DOCK6: variants seen among roughly 807,000 people sequenced by gnomAD.
DOCK6 encodes the protein dedicator of cytokinesis 6, also known as dedicator of cytokinesis protein 6.
DOCK6 carries 167 observed loss-of-function variants against 230.3 expected under a neutral mutation model. That is an observed-to-expected ratio of 0.73 (90% CI 0.64 to 0.82). DOCK6 has a LOEUF of 0.82. DOCK6 is among the 40% of genes least tolerant of loss of function. The pLI, the probability that DOCK6 is intolerant of heterozygous loss-of-function variation, is 0.00. For synonymous variants in DOCK6, 1,148 were observed against 1,185.0 expected (o/e 0.97, Z 0.64); for missense variants, 2,598 against 2,825.8 (o/e 0.92, Z 1.83).
Position 11,208,563 on chromosome 19 carries a change from GCCA to G in DOCK6, c.5088+120_5088+122del, listed in dbSNP as rs147251964. 6,182 of 1,386,332 alleles carry G rather than the reference GCCA, an allele frequency of 4.5e-3. 291 individuals are homozygous for G. The East Asian group carries it at 0.12, about 26-fold the overall frequency. The allele number at this position is 1,386,332 out of a possible 1,614,324, so 85.9% of individuals were successfully genotyped here. A position where few individuals can be genotyped will look rare whatever the true frequency, so the allele number is the denominator to read the frequency against. ...CAAAGTGCTGGGGTTACAGGCGTGA[GCCA>G]CCGCGCCCAGCCTATTCTCCTTCTT... On this transcript the variant is annotated intron_variant, in intron 39 of 47. Coordinates refer to ENST00000294618, the MANE Select transcript of DOCK6 (RefSeq NM_020812.4).
At chr19:11,206,575 AAG>A (rs2079264451) in intron 39 of DOCK6, among the ~76,000 whole-genome samples, 1 of 151,816 alleles carries the variant, frequency 6.6e-6, no homozygotes, top group Non-Finnish European at 1.5e-5. Flanking sequence ...AAAAAAAAGA[AAG>A]AAAGAAAAAA....
Position 11,243,691 on chromosome 19 carries a change from T to C in DOCK6, c.1124A>G (p.Lys375Arg). The C allele has an allele frequency of 6.2e-7, 1 of 1,613,716 alleles. No individual in the cohort carries two copies. The stretch of plus-strand genomic sequence containing the variant: ...GAACTGCTCGGCCGCCAGGCGCAGC[T>C]TCTCTAGCTTCTCTTTGTTCTGTGG... ...DTAKNKEKLEKLRLAAEQFCT... is the reference protein window; with the variant it reads ...DTAKNKEKLERLRLAAEQFCT... Residue 375 changes from lysine (K) to arginine (R), a missense_variant, in exon 11 of 48, where the codon AAG (lysine) becomes AGG (arginine). Lys to Arg is a conservative substitution (Grantham distance 26). Coordinates refer to ENST00000294618, the MANE Select transcript of DOCK6 (RefSeq NM_020812.4). This position sits in a 1 kb window ranked among gnomAD's most constrained non-coding sequence, Gnocchi z 6.3.
Position 11,202,261 on chromosome 19 carries a change from G to C in DOCK6, c.5451+133C>G. 1 of 1,386,910 alleles carries C rather than the reference G, an allele frequency of 7.2e-7. No homozygotes were observed. The highest frequency in any genetic ancestry group is 9.9e-7 in the Non-Finnish European group (1 of 1,005,062). The allele number at this position is 1,386,910 out of a possible 1,614,324, so 85.9% of individuals were successfully genotyped here. A position where few individuals can be genotyped will look rare whatever the true frequency, so the allele number is the denominator to read the frequency against. On this transcript the variant is annotated intron_variant, in intron 43 of 47. Transcript: ENST00000294618. This position sits in a 1 kb window ranked among gnomAD's most constrained non-coding sequence, Gnocchi z 5.3. The stretch of plus-strand genomic sequence containing the variant: ...TCTGGATGTTTGGGAATCCCCTGAG[G>C]AATAGGTTTTGGGGTCCCTCAGTGA...
Position 11,210,355 on chromosome 19 carries a change from C to T in DOCK6, c.4752-1252G>A, listed in dbSNP as rs1202868094. On this transcript the variant is annotated intron_variant, in intron 37 of 47. Coordinates refer to ENST00000294618, the MANE Select transcript of DOCK6 (RefSeq NM_020812.4). Reference sequence around the variant, plus strand: ...CCCTTCACCTGTCTCCTTATCTGTCCACCTCCTCACTTGTTCATCTTCTCA... The same window carrying T: ...CCCTTCACCTGTCTCCTTATCTGTCTACCTCCTCACTTGTTCATCTTCTCA... Among the ~76,000 whole-genome samples the T allele has an allele frequency of 6.0e-5, 9 of 150,122 alleles. No homozygotes were observed. The Admixed American group carries it at 6.0e-4, about 10-fold the overall frequency.
At chr19:11,241,657 C>T in intron 14 of DOCK6, 1 of 1,577,756 alleles carries the variant, frequency 6.3e-7, no homozygotes, top group Non-Finnish European at 8.6e-7. Flanking sequence ...TCTCCCTCCC[C>T]AGACTCCACA....
In DOCK6 at chr19:11,217,010, C is replaced by G. The variant is rs756208600; in HGVS notation, c.3798G>C (p.Pro1266=). The change falls in exon 30 of 48, where the codon CCG becomes CCC. Residue 1266 remains proline (P), a synonymous_variant. Transcript: ENST00000294618. The part of the protein sequence containing the change: ...CVLWVLKNTE[P]ALLQRWATDL... ...CAGTGGCCCAGCGCTGCAGGAGCGC[C>G]GGCTCGGTGTTTTTCAGCACCCACA... is the stretch of plus-strand genomic sequence containing the variant. 1 of 1,613,640 alleles carries G rather than the reference C, an allele frequency of 6.2e-7. No homozygotes were observed. Among genetic ancestry groups the G allele is most frequent in the East Asian group, 2.2e-5 (1 of 44,878 alleles).
chr19:11,261,847 C>CT (rs1041270363), intron 1 of DOCK6, among the ~76,000 whole-genome samples: 1 of 149,312 alleles, frequency 6.7e-6, no homozygotes, highest in African/African-American at 2.6e-5. Flanking sequence ...CCCCTTCCCC[C>CT]CCCCCGACAG....
rs2079873494 is a variant in DOCK6 at position 11,237,725 on chromosome 19, C to G, written c.1887G>C (p.Glu629Asp). 1 of 1,583,272 alleles carries G rather than the reference C, an allele frequency of 6.3e-7. No homozygotes were observed. The highest frequency in any genetic ancestry group is 1.3e-5 in the African/African-American group (1 of 74,506). Reference sequence around the variant, plus strand: ...AGAAGGTGAACAGCAGGTGATGGTTCTCTGTCACGCAGGCTGGAAGATGCA... The same window carrying G: ...AGAAGGTGAACAGCAGGTGATGGTTGTCTGTCACGCAGGCTGGAAGATGCA... ...FKLHLPACVT[E>D]NHHLLFTFYH... is the part of the protein sequence containing the mutation. The change falls in exon 17 of 48, where the codon GAG becomes GAC. Residue 629 changes from glutamate to aspartate, a missense_variant. Physicochemically the swap from Glu to Asp is conservative, Grantham distance 45. Coordinates refer to ENST00000294618, the MANE Select transcript of DOCK6 (RefSeq NM_020812.4).
intron 22 of DOCK6, among the ~76,000 whole-genome samples, chr19:11,232,499 C>T (rs1346628303): frequency 6.6e-6 from 1 of 152,128 alleles, no homozygotes; most frequent in Non-Finnish European, 1.5e-5. Context: ...TGCATACACA[C>T]CCCTGTAAGT....
chr19:11,259,653 G>A (rs1212785538), intron 1 of DOCK6, among the ~76,000 whole-genome samples: 1 of 143,130 alleles, frequency 7.0e-6, no homozygotes, highest in Non-Finnish European at 1.5e-5. Flanking sequence ...TACCTCCCAG[G>A]TTCAAGCAAT....
Position 11,214,125 on chromosome 19 carries a change from A to G in DOCK6, c.4338+150T>C, listed in dbSNP as rs527696011. 5.1e-4 allele frequency: 569 copies of G among 1,125,172 alleles called. 14 individuals are homozygous for G. In the South Asian group the frequency reaches 9.1e-3, roughly 18 times the overall value. The allele number at this position is 1,125,172 out of a possible 1,614,324, so 69.7% of individuals were successfully genotyped here. The stretch of plus-strand genomic sequence containing the variant: ...TTTTTGTAGAGACAGGGGCCTCACT[A>G]TGTTGCCCAGGTTGGTCTCAAACTC... On this transcript the variant is annotated intron_variant, in intron 34 of 47. Transcript: ENST00000294618.
At chr19:11,260,892 A>AAAAAAAAAAGAAAAAAAAAAG (rs1423289379) in intron 1 of DOCK6, among the ~76,000 whole-genome samples, 5 of 148,550 alleles carry the variant, frequency 3.4e-5, no homozygotes, top group African/African-American at 7.6e-5. Context: ...CAAAAAAAAA[A>AAAAAAAAAAGAAAAAAAAAAG]AAAGAAAGAA....
intron 5 of DOCK6, chr19:11,251,885 T>C (rs1599286488): frequency 1.7e-6 from 1 of 578,218 alleles, no homozygotes; most frequent in Non-Finnish European, 3.0e-6. Flanking sequence ...CTGGGTGTAA[T>C]GGCTGCCCTG....
At chr19:11,251,613 G>A (rs760351307) in intron 5 of DOCK6, 41 of 154,198 alleles carry the variant, frequency 2.7e-4, no homozygotes, top group Middle Eastern at 3.4e-3. Flanking sequence ...CCAGCTACCC[G>A]GGAGGCTGAG....
chr19:11,239,544 GT>G (rs2079906491), intron 14 of DOCK6: 1 of 1,473,838 alleles, frequency 6.8e-7, no homozygotes, highest in Non-Finnish European at 9.3e-7. Flanking sequence ...GGGGCACCAG[GT>G]CGGCCAGTTA....
Position 11,222,156 on chromosome 19 carries a change from C to T in DOCK6, c.3333G>A (p.Gly1111=), listed in dbSNP as rs1377198248. The change falls in exon 27 of 48, where the codon GGG becomes GGA. Residue 1111 remains glycine (G), a synonymous_variant. Transcript: ENST00000294618. This position sits in a 1 kb window ranked among gnomAD's most constrained non-coding sequence, Gnocchi z 4.0. Reference sequence around the variant, plus strand: ...CCAGTGCCAGCTCCGTCAGCAGGAGCCCAGCTAGGAAGTGCTGCTGCCGGA... The same window carrying T: ...CCAGTGCCAGCTCCGTCAGCAGGAGTCCAGCTAGGAAGTGCTGCTGCCGGA... ...GPFRQQHFLA[G]LLLTELALAL... 6.2e-7 allele frequency: 1 copy of T among 1,612,340 alleles called. No homozygotes were observed. Among genetic ancestry groups the T allele is most frequent in the Admixed American group, 1.7e-5 (1 of 59,726 alleles).
rs1217012816 is a variant in DOCK6, at chr19:11,243,368, T to G, written c.1276A>C (p.Thr426Pro). 6.2e-7 allele frequency: 1 copy of G among 1,601,840 alleles called. No homozygotes were observed. Among genetic ancestry groups the G allele is most frequent in the African/African-American group, 1.3e-5 (1 of 74,728 alleles). ...DSEGERRPAW[T>P]DRRRRGPQDR... ...TGGGGCCCCCGACGGCGGCGGTCTG[T>G]CCAGGCTGGCCGGCGCTCTAGGGGA... The change falls in exon 12 of 48, where the codon ACA (threonine) becomes CCA (proline). Residue 426 changes from threonine (T) to proline (P), a missense_variant. By Grantham distance (38) the Thr-to-Pro change is conservative (BLOSUM62 -1). Transcript: ENST00000294618. The surrounding 1 kb of genome is among the most constrained non-coding windows in gnomAD (Gnocchi z 6.3).
intron 16 of DOCK6, 115 bp downstream of exon 16, chr19:11,237,926 TCTAC>T (rs2079877230): frequency 1.4e-6 from 2 of 1,423,566 alleles, no homozygotes; most frequent in African/African-American, 1.4e-5. Flanking sequence ...TCTGGGAGCC[TCTAC>T]CTCTCTTCTT....
At chr19:11,248,214 G>T in intron 6 of DOCK6, 63 bp from the exon 7 acceptor site, 1 of 1,330,818 alleles carries the variant, frequency 7.5e-7, no homozygotes. Flanking sequence ...GGAAGGGTCT[G>T]GAATGCCCAG....
Sources: allele counts gnomAD v4.1 joint callset (sites outside exome capture counted in the v4.1 genomes callset), GRCh38; gene constraint gnomAD v4.1.1; non-coding constraint Gnocchi (gnomAD v3.1); transcripts MANE v1.5; gene names NCBI Gene and HGNC (gene_info 2026-07-23, HGNC 2026-07-21).